The following ZNF175 variants were observed in gnomAD, a reference collection of about 807,000 sequenced individuals.
ZNF175 encodes the protein zinc finger protein 175.
ZNF175 carries 8 observed loss-of-function variants against 14.0 expected under a neutral mutation model. The ratio of observed to expected loss-of-function variants is 0.57; its 90% CI spans 0.34 to 1.03. ZNF175 has a LOEUF of 1.03. Among genes scored for constraint, ZNF175 ranks in the 50% least tolerant of loss-of-function variants. The pLI is 0.03. For synonymous variants in ZNF175, 255 were observed against 296.8 expected (o/e 0.86, Z 1.45); for missense variants, 764 against 849.5 (o/e 0.90, Z 1.25).
intron 4 of ZNF175, among the ~76,000 whole-genome samples, chr19:51,585,973 T>C (rs1233500411): frequency 6.6e-6 from 1 of 152,150 alleles, no homozygotes; most frequent in African/African-American, 2.4e-5. Context: ...AGTTGAGGCA[T>C]AGGAGAGTTG....
Position 51,588,181 on chromosome 19 carries a change from G to T in ZNF175, c.1850G>T (p.Cys617Phe), listed in dbSNP as rs1982237183. ...CACACTAGAGAGAGGCCTTTTGTCTGTTACAAATGTGGGAAGGCTTTTGTC... is the reference window on the plus strand; with the variant it reads ...CACACTAGAGAGAGGCCTTTTGTCTTTTACAAATGTGGGAAGGCTTTTGTC... ...ITHTRERPFV[C>F]YKCGKAFVQK... The change falls in exon 5 of 5, where the codon TGT becomes TTT. Residue 617 changes from cysteine (C) to phenylalanine (F), a missense_variant. Transcript: ENST00000262259. 3 of 1,614,092 alleles carry T rather than the reference G, an allele frequency of 1.9e-6. No individual in the cohort carries two copies. Among genetic ancestry groups the T allele is most frequent in the Non-Finnish European group, 2.5e-6 (3 of 1,180,006 alleles).
rs548492379 is a variant in ZNF175 at position 51,588,922 on chromosome 19, GTATATAAGCATATATATAA to G, written c.*469_*487del. 58 of 389,476 alleles carry G rather than the reference GTATATAAGCATATATATAA, an allele frequency of 1.5e-4. No individual in the cohort carries two copies. The highest frequency in any genetic ancestry group is 1.1e-3 in the African/African-American group (53 of 48,490). The allele number at this position is 389,476 out of a possible 1,614,324, so 24.1% of individuals were successfully genotyped here. A position where few individuals can be genotyped will look rare whatever the true frequency, so the allele number is the denominator to read the frequency against. On this transcript the variant is annotated 3_prime_UTR_variant, in exon 5 of 5. Transcript: ENST00000262259. ...TTTTATGTGTGTGTGTGCGCCTTAT[GTATATAAGCATATATATAA>G]TATATAAGCATATTATTATATACAG...
At chr19:51,579,386 A>G (rs1485103726) in intron 2 of ZNF175, among the ~76,000 whole-genome samples, 1 of 152,152 alleles carries the variant, frequency 6.6e-6, no homozygotes, top group Non-Finnish European at 1.5e-5. Context: ...GTGCCACTGC[A>G]ATCCAGCTTG....
chr19:51,586,163 T>G (rs936909233), intron 4 of ZNF175, among the ~76,000 whole-genome samples: 2 of 152,224 alleles, frequency 1.3e-5, no homozygotes, highest in Admixed American at 6.5e-5. Context: ...AGCCCCCTCC[T>G]TCAAGCCTTG....
At position 51,590,027 on chromosome 19, in the gene ZNF175, G is replaced by GC; in HGVS notation, c.*1560_*1561insC. On this transcript the variant is annotated 3_prime_UTR_variant, in exon 5 of 5. Coordinates refer to ENST00000262259, the MANE Select transcript of ZNF175 (RefSeq NM_007147.4). ...ACAATCCATGATGGATTGTACACAC[G>GC]TGTATTCTATGAGGTTGACCTGCCA... 1 of 160,494 alleles carries GC rather than the reference G, an allele frequency of 6.2e-6. No homozygotes were observed. Among genetic ancestry groups the GC allele is most frequent in the Non-Finnish European group, 1.4e-5 (1 of 73,458 alleles). 9.9% of individuals were successfully genotyped at this position (160,494 alleles called of 1,614,324 possible). A position where few individuals can be genotyped will look rare whatever the true frequency, so the allele number is the denominator to read the frequency against.
At position 51,588,887 on chromosome 19, in the gene ZNF175, T is replaced by C. The variant is rs1982265203; in HGVS notation, c.*420T>C. ...TTTTAAAGTGCCAACACAGTCATGATAGGACAATATTTTATGTGTGTGTGT... is the reference window on the plus strand; with the variant it reads ...TTTTAAAGTGCCAACACAGTCATGACAGGACAATATTTTATGTGTGTGTGT... On this transcript the variant is annotated 3_prime_UTR_variant, in exon 5 of 5. Coordinates refer to ENST00000262259, the MANE Select transcript of ZNF175 (RefSeq NM_007147.4). 2.5e-6 allele frequency: 1 copy of C among 400,262 alleles called. No individual in the cohort carries two copies. Among genetic ancestry groups the C allele is most frequent in the South Asian group, 1.3e-4 (1 of 7,554 alleles). 24.8% of individuals were successfully genotyped at this position (400,262 alleles called of 1,614,324 possible).
At chr19:51,577,463 C>T (rs1025368631) in intron 2 of ZNF175, among the ~76,000 whole-genome samples, 1 of 116,208 alleles carries the variant, frequency 8.6e-6, no homozygotes, top group Admixed American at 8.3e-5. Context: ...ATAATCATTA[C>T]TGCCTTAAAA....
Position 51,589,296 on chromosome 19 carries a change from A to G in ZNF175, c.*829A>G, listed in dbSNP as rs923584530. The G allele has an allele frequency of 1.9e-6, 1 of 515,552 alleles. No individual in the cohort carries two copies. Among genetic ancestry groups the G allele is most frequent in the African/African-American group, 1.9e-5 (1 of 51,292 alleles). 31.9% of individuals were successfully genotyped at this position (515,552 alleles called of 1,614,324 possible). A position where few individuals can be genotyped will look rare whatever the true frequency, so the allele number is the denominator to read the frequency against. ...TATGTATGTATGTATGTATGCCCTCAGTGCAGTGGGGTTTGCTGCAGAATT... is the reference window on the plus strand; with the variant it reads ...TATGTATGTATGTATGTATGCCCTCGGTGCAGTGGGGTTTGCTGCAGAATT... On this transcript the variant is annotated 3_prime_UTR_variant, in exon 5 of 5. Coordinates refer to ENST00000262259, the MANE Select transcript of ZNF175 (RefSeq NM_007147.4).
At chr19:51,581,324 C>T in intron 2 of ZNF175, 67 bp from the exon 3 acceptor site, 1 of 1,611,792 alleles carries the variant, frequency 6.2e-7, no homozygotes. Flanking sequence ...CATGTTCCTC[C>T]TATATGTGCC....
At chr19:51,581,228 CT>C in intron 2 of ZNF175, 162 bp from the exon 3 acceptor site, 1 of 1,004,620 alleles carries the variant, frequency 1.0e-6, no homozygotes, top group Non-Finnish European at 1.5e-6. Flanking sequence ...GGATATTTCT[CT>C]TATTTTTTTT....
chr19:51,577,909 C>T (rs537547871), intron 2 of ZNF175, among the ~76,000 whole-genome samples: 14 of 151,318 alleles, frequency 9.3e-5, no homozygotes, highest in Middle Eastern at 3.4e-3. Flanking sequence ...GTGATCCGCC[C>T]GCCTTGGCCT....
intron 4 of ZNF175, among the ~76,000 whole-genome samples, chr19:51,584,336 T>G (rs1982102711): frequency 6.6e-6 from 1 of 152,196 alleles, no homozygotes; most frequent in Non-Finnish European, 1.5e-5. Flanking sequence ...GAAGCAAGCT[T>G]AATGGGAATA....
At chr19:51,582,690 G>A (rs1362587853) in intron 4 of ZNF175, among the ~76,000 whole-genome samples, 2 of 152,104 alleles carry the variant, frequency 1.3e-5, no homozygotes, top group African/African-American at 2.4e-5. Flanking sequence ...TTTGTTTGTT[G>A]CATTTTCTTA....
chr19:51,578,621 A>G (rs1475910534), intron 2 of ZNF175, among the ~76,000 whole-genome samples: 2 of 152,138 alleles, frequency 1.3e-5, no homozygotes, highest in Non-Finnish European at 2.9e-5. Context: ...TAGAAAAATT[A>G]GCTAGGTGTG....
In ZNF175 at chr19:51,573,228, C is replaced by A. The variant is rs2305371; in HGVS notation, c.-102C>A. The A allele has an allele frequency of 0.28, 317,251 of 1,116,342 alleles. 50,361 individuals are homozygous for A. Among genetic ancestry groups the A allele is most frequent in the East Asian group, 0.71 (29,933 of 42,218 alleles). The allele number at this position is 1,116,342 out of a possible 1,614,324, so 69.2% of individuals were successfully genotyped here. A position where few individuals can be genotyped will look rare whatever the true frequency, so the allele number is the denominator to read the frequency against. ...TTCATAGCCCAGTACGACTCTCCGC[C>A]GTGTCCCTGGTTGGAAAATCCAAAC... On this transcript the variant is annotated 5_prime_UTR_variant, in exon 2 of 5. Transcript: ENST00000262259.
chr19:51,587,427 C>T lies in ZNF175; in HGVS notation c.1096C>T (p.His366Tyr). 2 of 1,614,198 alleles carry T rather than the reference C, an allele frequency of 1.2e-6. No individual in the cohort carries two copies. The highest frequency in any genetic ancestry group is 1.7e-6 in the Non-Finnish European group (2 of 1,180,030). ...THTRKKPYKCHDCGKAFFQML... is the reference protein window; with the variant it reads ...THTRKKPYKCYDCGKAFFQML... ...CACTAGAAAGAAGCCCTATAAATGC[C>T]ATGACTGTGGAAAAGCCTTTTTCCA... Residue 366 changes from histidine to tyrosine, a missense_variant, in exon 5 of 5, where the codon CAT (histidine) becomes TAT (tyrosine). His to Tyr is a moderately conservative substitution (Grantham distance 83, BLOSUM62 2). Coordinates refer to ENST00000262259, the MANE Select transcript of ZNF175 (RefSeq NM_007147.4).
chr19:51,573,518 A>C, intron 2 of ZNF175, 117 bp downstream of exon 2: 1 of 928,160 alleles, frequency 1.1e-6, no homozygotes, highest in Middle Eastern at 2.3e-4. Flanking sequence ...AGCGAGGACC[A>C]CAGAGGCTGA....
chr19:51,588,055 A>C lies in ZNF175; in HGVS notation c.1724A>C (p.Lys575Thr). The change falls in exon 5 of 5, where the codon AAA becomes ACA. Residue 575 changes from lysine (K) to threonine (T), a missense_variant. Lys to Thr is a moderately conservative substitution (Grantham distance 78). Transcript: ENST00000262259. ...GCCTTCACTTCTAAGTCTCAATTCA[A>C]AGAGCATCAGCGAATTCACACGGGT... ...GKAFTSKSQFKEHQRIHTGEK... is the reference protein window; with the variant it reads ...GKAFTSKSQFTEHQRIHTGEK... 1 of 1,614,182 alleles carries C rather than the reference A, an allele frequency of 6.2e-7. No homozygotes were observed. The highest frequency in any genetic ancestry group is 8.5e-7 in the Non-Finnish European group (1 of 1,179,990).
rs1054907088 is a variant in ZNF175 at position 51,588,096 on chromosome 19, T to C, written c.1765T>C (p.Cys589Arg). The change falls in exon 5 of 5, where the codon TGC becomes CGC. Residue 589 changes from cysteine to arginine, a missense_variant. Transcript: ENST00000262259. Reference sequence around the variant, plus strand: ...TCACACGGGTGAGAAACCCTATGTGTGCACTGAATGTGGGAAGGCCTTCAA... The same window carrying C: ...TCACACGGGTGAGAAACCCTATGTGCGCACTGAATGTGGGAAGGCCTTCAA... ...RIHTGEKPYVCTECGKAFNGR... is the reference protein window; with the variant it reads ...RIHTGEKPYVRTECGKAFNGR... The C allele has an allele frequency of 1.9e-6, 3 of 1,614,106 alleles. No individual in the cohort carries two copies. In the African/African-American group the frequency reaches 4.0e-5, roughly 22 times the overall value.
Sources: gnomAD v4.1 joint callset for allele counts (sites outside exome capture counted in the v4.1 genomes callset) on GRCh38, gnomAD v4.1.1 for gene constraint, MANE v1.5 for transcripts, NCBI Gene and HGNC (gene_info 2026-07-23, HGNC 2026-07-21) for gene names.